ADAMTSL2: variants seen among roughly 807,000 people sequenced by gnomAD.
The protein encoded by ADAMTSL2 is ADAMTS like 2.
Under a neutral mutation model 117.0 loss-of-function variants are expected in ADAMTSL2, and 55 were observed. That is an observed-to-expected ratio of 0.47 (90% confidence interval 0.38 to 0.59). ADAMTSL2 has a LOEUF of 0.59. Among genes scored for constraint, ADAMTSL2 ranks in the 20% least tolerant of loss-of-function variants. The pLI, the probability that ADAMTSL2 is intolerant of heterozygous loss-of-function variation, is 0.00. For missense variants in ADAMTSL2, 1,182 were observed against 1,354.5 expected, an observed-to-expected ratio of 0.87 and a Z score of 2.00; for synonymous variants, 572 against 566.4, an observed-to-expected ratio of 1.01 and a Z score of -0.14.
At chr9:133,552,867 C>G (rs1830518249) in intron 9 of ADAMTSL2, among the ~76,000 whole-genome samples, 1 of 152,214 alleles carries the variant, frequency 6.6e-6, no homozygotes, top group African/African-American at 2.4e-5. Context: ...TAAGTGCCAT[C>G]CTAGTAGCCT....
At position 133,568,281 on chromosome 9, in the gene ADAMTSL2, C is replaced by A; in HGVS notation, c.1883C>A (p.Thr628Lys). The A allele has an allele frequency of 1.3e-6, 2 of 1,565,788 alleles. No homozygotes were observed. The highest frequency in any genetic ancestry group is 2.3e-5 in the South Asian group (2 of 85,310). ...ATCCGCTCCCGGGGCAGGTGGGAGA[C>A]GAGCAGCTGGAGCGAGTGTTCGCGC... Reference protein sequence around the residue: ...AGRECQPRWETSSWSECSRTC... With the variant: ...AGRECQPRWEKSSWSECSRTC... The change falls in exon 14 of 19, where the codon ACG becomes AAG. Residue 628 changes from threonine to lysine, a missense_variant. Transcript: ENST00000651351.
intron 1 of ADAMTSL2, among the ~76,000 whole-genome samples, chr9:133,535,960 T>G (rs1388611441): frequency 2.0e-5 from 3 of 152,174 alleles, no homozygotes; most frequent in Non-Finnish European, 4.4e-5. Context: ...TGGGAGGAAG[T>G]CAGCCTTGTG....
upstream of ADAMTSL2, among the ~76,000 whole-genome samples, chr9:133,533,162 C>CGTGTGTGTGT (rs1829975774): frequency 3.1e-5 from 3 of 98,244 alleles, no homozygotes; most frequent in Non-Finnish European, 6.5e-5. Flanking sequence ...TGTGTGTGTG[C>CGTGTGTGTGT]CTGTGTGTGT....
rs1830719413 is a variant in ADAMTSL2, at chr9:133,561,182, T to C, written c.1650-16T>C. ...TGGAGCGTCTCATCACCTTCCCTGC[T>C]TGGTCTCGCTTTCAGGACCAGGCCC... On this transcript the variant is annotated splice_polypyrimidine_tract_variant and intron_variant, in intron 11 of 18. Transcript: ENST00000651351. The C allele has an allele frequency of 1.3e-6, 2 of 1,592,492 alleles. No homozygotes were observed. Among genetic ancestry groups the C allele is most frequent in the Non-Finnish European group, 1.7e-6 (2 of 1,169,372 alleles).
intron 9 of ADAMTSL2, among the ~76,000 whole-genome samples, chr9:133,550,375 T>G (rs112835436): frequency 5.5e-4 from 84 of 152,328 alleles, no homozygotes; most frequent in African/African-American, 1.8e-3. Context: ...TTCTGGGTGT[T>G]GGAGGATACG....
intron 12 of ADAMTSL2, among the ~76,000 whole-genome samples, chr9:133,561,650 T>C (rs1105633): frequency 0.53 from 80,456 of 152,106 alleles, 22,237 homozygotes; most frequent in Middle Eastern, 0.59. Flanking sequence ...ATTTTACTTT[T>C]GCTTCCAGCA....
chr9:133,539,025 C>T (rs117191059), intron 4 of ADAMTSL2, among the ~76,000 whole-genome samples: 4,154 of 152,276 alleles, frequency 0.027, 73 homozygotes, highest in Middle Eastern at 0.054. Context: ...CCCAGGCTGG[C>T]TCGTGTGGCT....
Position 133,534,844 on chromosome 9 carries a change from C to T in ADAMTSL2, c.-224C>T, listed in dbSNP as rs1232517589. The T allele has an allele frequency of 3.1e-5, 46 of 1,498,416 alleles. No individual in the cohort carries two copies. Among genetic ancestry groups the T allele is most frequent in the Non-Finnish European group, 4.1e-5 (46 of 1,119,592 alleles). 92.8% of individuals were successfully genotyped at this position (1,498,416 alleles called of 1,614,324 possible). A position where few individuals can be genotyped will look rare whatever the true frequency, so the allele number is the denominator to read the frequency against. Reference sequence around the variant, plus strand: ...ACTCACGCCGCCCCCGCACGCACAGCGCACCTGGCGCCGTCTGCCCTCCGC... The same window carrying T: ...ACTCACGCCGCCCCCGCACGCACAGTGCACCTGGCGCCGTCTGCCCTCCGC... On this transcript the variant is annotated 5_prime_UTR_variant, in exon 1 of 19. Transcript: ENST00000651351.
At chr9:133,544,375 C>T (rs1830298885) in intron 7 of ADAMTSL2, 95 bp from the exon 8 acceptor site, 2 of 1,050,718 alleles carry the variant, frequency 1.9e-6, no homozygotes, top group Admixed American at 3.4e-5. Flanking sequence ...CTTAGACAGC[C>T]ACCGCTCACC....
chr9:133,557,669 C>T lies in ADAMTSL2; in HGVS notation c.1649+1739C>T, dbSNP rs1023580580. On this transcript the variant is annotated intron_variant, in intron 11 of 18. Coordinates refer to ENST00000651351, the MANE Select transcript of ADAMTSL2 (RefSeq NM_014694.4). The surrounding 1 kb of genome is among the most constrained non-coding windows in gnomAD (Gnocchi z 5.2). ...GCCCTCTTCACCTCCCAGGGCAGTC[C>T]GGGGCATTCCCTGGTATTCCGTGTG... 8.5e-5 allele frequency among the ~76,000 whole-genome samples: 13 copies of T among 152,264 alleles called. No homozygotes were observed. Among genetic ancestry groups the T allele is most frequent in the South Asian group, 2.1e-4 (1 of 4,828 alleles).
At chr9:133,541,526 C>T (rs1034764942) in intron 7 of ADAMTSL2, among the ~76,000 whole-genome samples, 1 of 152,228 alleles carries the variant, frequency 6.6e-6, no homozygotes, top group South Asian at 2.1e-4. Flanking sequence ...TGACCTCGAG[C>T]GATCCACCCG....
Position 133,554,800 on chromosome 9 carries a change from C to T in ADAMTSL2, c.1276+107C>T, listed in dbSNP as rs1830568638. ...CTTTGCAGACCTGCAGAGGAGGTTC[C>T]TAAGAGCTGCCAGCTACCTGCAGAT... On this transcript the variant is annotated intron_variant, in intron 10 of 18. Transcript: ENST00000651351. This position sits in a 1 kb window ranked among gnomAD's most constrained non-coding sequence, Gnocchi z 5.2. The T allele has an allele frequency of 1.9e-6, 2 of 1,037,132 alleles. No individual in the cohort carries two copies. Among genetic ancestry groups the T allele is most frequent in the East Asian group, 5.3e-5 (2 of 37,912 alleles). 64.2% of individuals were successfully genotyped at this position (1,037,132 alleles called of 1,614,324 possible). A position where few individuals can be genotyped will look rare whatever the true frequency, so the allele number is the denominator to read the frequency against.
chr9:133,560,878 G>A (rs1830711273), intron 11 of ADAMTSL2, among the ~76,000 whole-genome samples: 1 of 152,202 alleles, frequency 6.6e-6, no homozygotes, highest in Admixed American at 6.5e-5. Flanking sequence ...TGTGTGCAGG[G>A]AGCAACTACA....
At position 133,572,412 on chromosome 9, in the gene ADAMTSL2, G is replaced by A. The variant is rs369785271; in HGVS notation, c.2593-1431G>A. Among the ~76,000 whole-genome samples the A allele has an allele frequency of 7.5e-3, 1,135 of 152,296 alleles. 10 individuals carry two copies. Among genetic ancestry groups the A allele is most frequent in the African/African-American group, 0.026 (1,086 of 41,562 alleles). ...AGCTGGAGAGACCACGGCGTGCCGG[G>A]CCCTGAAGCCTCCTTCTGGAAAGGC... is the stretch of plus-strand genomic sequence containing the variant. On this transcript the variant is annotated intron_variant, in intron 17 of 18. Coordinates refer to ENST00000651351, the MANE Select transcript of ADAMTSL2 (RefSeq NM_014694.4).
chr9:133,548,205 G>T (rs994010809), intron 9 of ADAMTSL2, among the ~76,000 whole-genome samples: 1 of 152,246 alleles, frequency 6.6e-6, no homozygotes, highest in African/African-American at 2.4e-5. Flanking sequence ...TGAGTGGCAC[G>T]ACTGGGCTTT....
intron 2 of ADAMTSL2, 113 bp from the exon 3 acceptor site, chr9:133,537,292 G>T: frequency 8.4e-7 from 1 of 1,187,326 alleles, no homozygotes. Context: ...GCCCAGCCAG[G>T]GGGCTGTGTC....
chr9:133,548,360 C>A lies in ADAMTSL2; in HGVS notation c.939+1147C>A, dbSNP rs185018231. Among the ~76,000 whole-genome samples the A allele has an allele frequency of 3.2e-3, 486 of 152,308 alleles. 1 individual carries two copies. Among genetic ancestry groups the A allele is most frequent in the African/African-American group, 8.1e-3 (337 of 41,560 alleles). On this transcript the variant is annotated intron_variant, in intron 9 of 18. Transcript: ENST00000651351. ...GGTGACCCCGGAATCAAATGGGGGC[C>A]ACGCATCTCTGTGTCTGTGCTTACC...
rs1322212903 is a variant in ADAMTSL2 at position 133,564,597 on chromosome 9, GGA to G, written c.1748-2331_1748-2330del. Among the ~76,000 whole-genome samples, 8 of 26,144 alleles carry G rather than the reference GGA, an allele frequency of 3.1e-4. No homozygotes were observed. In the South Asian group the frequency reaches 6.7e-3, roughly 22 times the overall value. 17.2% of individuals were successfully genotyped at this position (26,144 alleles called of 152,430 possible). On this transcript the variant is annotated intron_variant, in intron 12 of 18. Transcript: ENST00000651351. ...GGGAGAGAGAAGGAGAGAGAGAGGG[GGA>G]GAGAGAGGGAGAGAGAGAGAGAGAG...
Position 133,570,372 on chromosome 9 carries a change from G to T in ADAMTSL2, c.2457G>T (p.Val819=). The change falls in exon 17 of 19, where the codon GTG becomes GTT. Residue 819 remains valine, a synonymous_variant. Coordinates refer to ENST00000651351, the MANE Select transcript of ADAMTSL2 (RefSeq NM_014694.4). The part of the protein sequence containing the change: ...TCGRGVKKRL[V]LCMELANGKP... ...GGCGCGGGGTCAAGAAGCGGCTGGTGCTCTGCATGGAGCTGGCCAACGGGA... is the reference window on the plus strand; with the variant it reads ...GGCGCGGGGTCAAGAAGCGGCTGGTTCTCTGCATGGAGCTGGCCAACGGGA... The T allele has an allele frequency of 6.4e-7, 1 of 1,557,106 alleles. No homozygotes were observed. The highest frequency in any genetic ancestry group is 1.2e-5 in the South Asian group (1 of 84,722).
Sources: gnomAD v4.1 joint callset for allele counts (sites outside exome capture counted in the v4.1 genomes callset) on GRCh38, gnomAD v4.1.1 for gene constraint, Gnocchi (gnomAD v3.1) non-coding constraint, MANE v1.5 for transcripts, NCBI Gene and HGNC (gene_info 2026-07-23, HGNC 2026-07-21) for gene names.